The following DAAM2 variants were observed in gnomAD, a reference collection of about 807,000 sequenced individuals.
The protein encoded by DAAM2 is dishevelled associated activator of morphogenesis 2.
In DAAM2, 39 loss-of-function variants were observed where a neutral mutation model predicts 120.7. The ratio of observed to expected loss-of-function variants is 0.32; its 90% CI spans 0.25 to 0.42. DAAM2 has a LOEUF of 0.42. DAAM2 is among the 10% of genes least tolerant of loss of function. The pLI, the probability that DAAM2 is intolerant of heterozygous loss-of-function variation, is 1.00. For missense variants in DAAM2, 1,283 were observed against 1,401.7 expected (o/e 0.92, Z 1.35); for synonymous variants, 488 against 524.9 (o/e 0.93, Z 0.96).
chr6:39,837,676 A>G (rs1470457374), intron 1 of DAAM2, among the ~76,000 whole-genome samples: 1 of 151,170 alleles, frequency 6.6e-6, no homozygotes, highest in Non-Finnish European at 1.5e-5. Context: ...AAAAAAAAAA[A>G]AAAAAAAAAA....
At chr6:39,820,148 G>T (rs549905392) in intron 1 of DAAM2, 1 of 151,054 alleles carries the variant, frequency 6.6e-6, no homozygotes, top group Non-Finnish European at 1.5e-5. Context: ...GTGAGTGGCA[G>T]CGTGCTGGAG....
At chr6:39,830,897 C>T (rs1252660334) in intron 1 of DAAM2, among the ~76,000 whole-genome samples, 3 of 152,132 alleles carry the variant, frequency 2.0e-5, no homozygotes, top group African/African-American at 7.2e-5. Context: ...CATTTCAGGC[C>T]CTTCCTCCAT....
chr6:39,819,149 A>G (rs1033714706), intron 1 of DAAM2: 2 of 152,198 alleles, frequency 1.3e-5, no homozygotes, highest in African/African-American at 4.8e-5. Context: ...GCTACACCCC[A>G]GCTGGTGAGC....
chr6:39,865,055 C>A lies in DAAM2; in HGVS notation c.409C>A (p.Leu137Ile). 6.3e-7 allele frequency: 1 copy of A among 1,579,208 alleles called. No individual in the cohort carries two copies. Among genetic ancestry groups the A allele is most frequent in the Non-Finnish European group, 8.7e-7 (1 of 1,152,956 alleles). The change falls in exon 5 of 25, where the codon CTC becomes ATC. Residue 137 changes from leucine to isoleucine, a missense_variant. By Grantham distance (5) the Leu-to-Ile change is conservative. Transcript: ENST00000274867. ...AGTCGTGGAAGACCTGAAGACAGCCCTCCGGACACAGCCTATGAGGTAATT... is the reference window on the plus strand; with the variant it reads ...AGTCGTGGAAGACCTGAAGACAGCCATCCGGACACAGCCTATGAGGTAATT... ...NQVVEDLKTALRTQPMRFVTR... is the reference protein window; with the variant it reads ...NQVVEDLKTAIRTQPMRFVTR...
chr6:39,814,338 C>A (rs997132448), intron 1 of DAAM2, among the ~76,000 whole-genome samples: 2 of 152,062 alleles, frequency 1.3e-5, no homozygotes, highest in Non-Finnish European at 1.5e-5. Context: ...AGCATCTAAA[C>A]CTCAACCTCC....
At chr6:39,829,258 G>A (rs1486071723) in intron 1 of DAAM2, among the ~76,000 whole-genome samples, 2 of 152,236 alleles carry the variant, frequency 1.3e-5, no homozygotes, top group African/African-American at 2.4e-5. Context: ...CTGCACATGC[G>A]CCTATGACTG....
intron 1 of DAAM2, among the ~76,000 whole-genome samples, chr6:39,826,382 T>C (rs1762673400): frequency 6.6e-6 from 1 of 152,138 alleles, no homozygotes; most frequent in Admixed American, 6.5e-5. Flanking sequence ...CTGGGGCTAT[T>C]CTAGGAAAGC....
chr6:39,825,750 C>T (rs1164787716), intron 1 of DAAM2, among the ~76,000 whole-genome samples: 1 of 152,138 alleles, frequency 6.6e-6, no homozygotes, highest in African/African-American at 2.4e-5. Flanking sequence ...GTACTCTTTC[C>T]CAGGTGTACA....
At chr6:39,853,891 C>A in intron 1 of DAAM2, among the ~76,000 whole-genome samples, 1 of 152,162 alleles carries the variant, frequency 6.6e-6, no homozygotes, top group East Asian at 1.9e-4. Context: ...TGTGATCATC[C>A]CACACTTGAC....
In DAAM2 at chr6:39,897,163, T is replaced by C; in HGVS notation, c.2511-12T>C. 6.2e-7 allele frequency: 1 copy of C among 1,606,444 alleles called. No individual in the cohort carries two copies. The highest frequency in any genetic ancestry group is 1.1e-5 in the South Asian group (1 of 90,844). Reference sequence around the variant, plus strand: ...CTCTGTCACTTACCACTGACCTGACTTTCATCCACAGAAACATCTCTCTGC... The same window carrying C: ...CTCTGTCACTTACCACTGACCTGACCTTCATCCACAGAAACATCTCTCTGC... On this transcript the variant is annotated splice_polypyrimidine_tract_variant and intron_variant, in intron 20 of 24. Transcript: ENST00000274867.
At position 39,901,467 on chromosome 6, in the gene DAAM2, G is replaced by A. The variant is rs1460071261; in HGVS notation, c.2977G>A (p.Ala993Thr). 3.7e-6 allele frequency: 6 copies of A among 1,605,742 alleles called. No homozygotes were observed. The African/African-American group carries it at 6.7e-5, about 18-fold the overall frequency. ...GGAGGAGCGGCGGGCGCGCATGGAA[G>A]CCATGGTGAGGGGCAGTGCCAGGCC... ...EEEERRARME[A>T]MLKEQRERER... The change falls in exon 24 of 25, where the codon GCC becomes ACC. Residue 993 changes from alanine (A) to threonine (T), a missense_variant. Ala to Thr is a moderately conservative substitution (Grantham distance 58). Around this residue, in one of 3 missense-constraint regions of DAAM2, gnomAD observed 748 missense variants for 768.6 expected, o/e 0.97. Transcript: ENST00000274867. This position sits in a 1 kb window ranked among gnomAD's most constrained non-coding sequence, Gnocchi z 4.5.
intron 15 of DAAM2, 162 bp downstream of exon 15, chr6:39,884,231 T>C (rs1414953392): frequency 3.5e-6 from 2 of 578,750 alleles, no homozygotes; most frequent in African/African-American, 1.9e-5. Flanking sequence ...CTCACATGTA[T>C]ACTGAATGAT....
Position 39,904,850 on chromosome 6 carries a change from A to G in DAAM2, c.*2813A>G. On this transcript the variant is annotated 3_prime_UTR_variant, in exon 25 of 25. Transcript: ENST00000274867. ...ATATTGTAATACTAAAAAATATTAAATTCATACCATCCCTACCCAGTCTGC... is the reference window on the plus strand; with the variant it reads ...ATATTGTAATACTAAAAAATATTAAGTTCATACCATCCCTACCCAGTCTGC... 1 of 454,096 alleles carries G rather than the reference A, an allele frequency of 2.2e-6. No homozygotes were observed. The highest frequency in any genetic ancestry group is 1.6e-5 in the South Asian group (1 of 64,466). The allele number at this position is 454,096 out of a possible 1,614,324, so 28.1% of individuals were successfully genotyped here.
At chr6:39,888,608 A>G in intron 16 of DAAM2, 71 bp from the exon 17 acceptor site, 1 of 1,307,218 alleles carries the variant, frequency 7.6e-7, no homozygotes, top group Non-Finnish European at 1.1e-6. Context: ...GAATGAGGGA[A>G]GGCGGAGGTG....
chr6:39,899,910 C>T (rs2149380185), intron 22 of DAAM2, 167 bp from the exon 23 acceptor site: 1 of 708,272 alleles, frequency 1.4e-6, no homozygotes, highest in East Asian at 3.1e-5. Context: ...GGGCTGGCTG[C>T]TAATGTTAGC....
In DAAM2 at chr6:39,807,698, C is replaced by CTAGA. The variant is rs1166182187; in HGVS notation, c.-57+15234_-57+15237dup. Among the ~76,000 whole-genome samples the CTAGA allele has an allele frequency of 4.6e-5, 7 of 152,132 alleles. No individual in the cohort carries two copies. In the East Asian group the frequency reaches 1.4e-3, roughly 29 times the overall value. ...TGCTTGGGTGATTTTTGTATTTTTG[C>CTAGA]TAGAGATGGGGTTTTGCCATGTTGG... On this transcript the variant is annotated intron_variant, in intron 1 of 24. Coordinates refer to ENST00000274867, the MANE Select transcript of DAAM2 (RefSeq NM_001201427.2).
chr6:39,900,522 C>A lies in DAAM2; in HGVS notation c.2811+314C>A, dbSNP rs532337758. ...AAAATCAGAGATGCTAAGTAACTTGCCCAAGATTGCCCAGCTGTAAGTTAT... is the reference window on the plus strand; with the variant it reads ...AAAATCAGAGATGCTAAGTAACTTGACCAAGATTGCCCAGCTGTAAGTTAT... On this transcript the variant is annotated intron_variant, in intron 23 of 24. Transcript: ENST00000274867. Among the ~76,000 whole-genome samples, 13 of 152,274 alleles carry A rather than the reference C, an allele frequency of 8.5e-5. No homozygotes were observed. The East Asian group carries it at 2.5e-3, about 29-fold the overall frequency.
chr6:39,896,649 C>T (rs190910441), intron 19 of DAAM2, among the ~76,000 whole-genome samples, 163 bp from the exon 20 acceptor site: 17 of 152,270 alleles, frequency 1.1e-4, no homozygotes, highest in Admixed American at 6.5e-5. Flanking sequence ...AATGTGAAAT[C>T]GATGGGTCTG....
At chr6:39,860,331 G>T (rs1402158256) in intron 2 of DAAM2, among the ~76,000 whole-genome samples, 1 of 152,200 alleles carries the variant, frequency 6.6e-6, no homozygotes, top group East Asian at 1.9e-4. Flanking sequence ...AATGCCTCCC[G>T]GGGCATGGCT....
Sources: gnomAD v4.1 joint callset for allele counts (sites outside exome capture counted in the v4.1 genomes callset) on GRCh38, gnomAD v4.1.1 for gene constraint, gnomAD v4.1.1 regional missense constraint, Gnocchi (gnomAD v3.1) non-coding constraint, MANE v1.5 for transcripts, NCBI Gene and HGNC (gene_info 2026-07-23, HGNC 2026-07-21) for gene names.